Variants in DLX2 observed in about 807,000 individuals in gnomAD.
DLX2 encodes homeobox protein DLX-2.
In DLX2, 8 loss-of-function variants were observed where a neutral mutation model predicts 27.4. The observed-to-expected ratio is 0.29, with a 90% CI of 0.17 to 0.53. DLX2 has a LOEUF of 0.53. DLX2 is among the 20% of genes least tolerant of loss of function. The pLI is 0.96. For synonymous variants in DLX2, 210 were observed against 200.8 expected, an observed-to-expected ratio of 1.05 and a Z score of -0.39; for missense variants, 421 against 450.9, an observed-to-expected ratio of 0.93 and a Z score of 0.60.
In DLX2 at chr2:172,100,690, G is replaced by C; in HGVS notation, c.840C>G (p.Tyr280Ter). 1.3e-6 allele frequency: 2 copies of C among 1,551,098 alleles called. No homozygotes were observed. The highest frequency in any genetic ancestry group is 1.7e-6 in the Non-Finnish European group (2 of 1,158,826). Residue 280 changes from tyrosine (Y) to a stop codon, truncating the protein, a stop_gained, in exon 3 of 3, where the codon TAC becomes TAG. Transcript: ENST00000234198. LOFTEE classifies it high-confidence loss of function. This position sits in a 1 kb window ranked among gnomAD's most constrained non-coding sequence, Gnocchi z 4.5. ...SSAASAFLGN[Y>*]PWYHQTSGSA... ...ATCCCGAGGTCTGGTGGTACCAGGG[G>C]TAGTTGCCCAGAAAAGCCGAGGCCG...
chr2:172,100,479 G>T lies in DLX2; in HGVS notation c.*64C>A. On this transcript the variant is annotated 3_prime_UTR_variant, in exon 3 of 3. Coordinates refer to ENST00000234198, the MANE Select transcript of DLX2 (RefSeq NM_004405.4). The surrounding 1 kb of genome is among the most constrained non-coding windows in gnomAD (Gnocchi z 4.5). ...AGCGGGCCGGGAGGAGGGAACCCCG[G>T]CTCGGGGTAAGCAATGAGGATAAGT... 1.4e-6 allele frequency: 2 copies of T among 1,463,746 alleles called. No homozygotes were observed. The highest frequency in any genetic ancestry group is 1.8e-6 in the Non-Finnish European group (2 of 1,106,436). 90.7% of individuals were successfully genotyped at this position (1,463,746 alleles called of 1,614,324 possible).
At chr2:172,102,058 G>T (rs1574163259) in intron 1 of DLX2, 81 bp downstream of exon 1, 6 of 1,532,574 alleles carry the variant, frequency 3.9e-6, no homozygotes, top group Non-Finnish European at 5.3e-6. Flanking sequence ...GCTTTCGAAG[G>T]CCCCCCGCCC....
At chr2:172,101,121 C>G (rs1271788170) in intron 2 of DLX2, 177 bp from the exon 3 acceptor site, 1 of 688,322 alleles carries the variant, frequency 1.5e-6, no homozygotes, top group African/African-American at 1.8e-5. Context: ...GTTCCTGCTC[C>G]CTGGGGAGGT....
In DLX2 at chr2:172,101,573, G is replaced by T. The variant is rs1340498959; in HGVS notation, c.474C>A (p.Ile158=). ...GAGCCGCCAGCTGGAAACTGGAGTA[G>T]ATGGTGCGGGGTTTCCGGACTTTCT... ...KPKKVRKPRT[I]YSSFQLAALQ... Residue 158 remains isoleucine, a synonymous_variant, in exon 2 of 3, where the codon ATC becomes ATA. Transcript: ENST00000234198. 4 of 1,614,134 alleles carry T rather than the reference G, an allele frequency of 2.5e-6. No individual in the cohort carries two copies. The highest frequency in any genetic ancestry group is 1.6e-4 in the Middle Eastern group (1 of 6,082).
chr2:172,100,463 G>A lies in DLX2; in HGVS notation c.*80C>T, dbSNP rs1691131375. On this transcript the variant is annotated 3_prime_UTR_variant, in exon 3 of 3. Transcript: ENST00000234198. This position sits in a 1 kb window ranked among gnomAD's most constrained non-coding sequence, Gnocchi z 4.5. ...AGAGGTGGGTGGCGGCAGCGGGCCG[G>A]GAGGAGGGAACCCCGGCTCGGGGTA... 6.3e-6 allele frequency: 9 copies of A among 1,434,538 alleles called. No homozygotes were observed. Among genetic ancestry groups the A allele is most frequent in the Non-Finnish European group, 8.3e-6 (9 of 1,083,252 alleles). The allele number at this position is 1,434,538 out of a possible 1,614,324, so 88.9% of individuals were successfully genotyped here.
rs766985394 is a variant in DLX2, at chr2:172,100,963, G to A, written c.586-19C>T. 1 of 1,607,204 alleles carries A rather than the reference G, an allele frequency of 6.2e-7. No homozygotes were observed. Among genetic ancestry groups the A allele is most frequent in the Non-Finnish European group, 8.5e-7 (1 of 1,177,674 alleles). On this transcript the variant is annotated intron_variant, in intron 2 of 2. Coordinates refer to ENST00000234198, the MANE Select transcript of DLX2 (RefSeq NM_004405.4). The surrounding 1 kb of genome is among the most constrained non-coding windows in gnomAD (Gnocchi z 4.5). ...TTTTGACCTTTGAGGAAAAAGACCT[G>A]AGCATTAGTGGAGGAACCTAGTCTT... is the stretch of plus-strand genomic sequence containing the variant.
At chr2:172,101,175 G>T in intron 2 of DLX2, 1 of 616,380 alleles carries the variant, frequency 1.6e-6, no homozygotes, top group Non-Finnish European at 2.8e-6. Context: ...GCACTGTGAT[G>T]ATGGTGACAG....
In DLX2 at chr2:172,100,359, C is replaced by T; in HGVS notation, c.*184G>A. On this transcript the variant is annotated 3_prime_UTR_variant, in exon 3 of 3. Coordinates refer to ENST00000234198, the MANE Select transcript of DLX2 (RefSeq NM_004405.4). The surrounding 1 kb of genome is among the most constrained non-coding windows in gnomAD (Gnocchi z 4.5). The stretch of plus-strand genomic sequence containing the variant: ...CCTTTGCCAAGCTGCTGTCCGGTTC[C>T]CCCGAGAGAGGGGCCCGTTTGGTGG... 1 of 578,478 alleles carries T rather than the reference C, an allele frequency of 1.7e-6. No individual in the cohort carries two copies. The highest frequency in any genetic ancestry group is 2.8e-6 in the Non-Finnish European group (1 of 361,518). 35.8% of individuals were successfully genotyped at this position (578,478 alleles called of 1,614,324 possible). A position where few individuals can be genotyped will look rare whatever the true frequency, so the allele number is the denominator to read the frequency against.
In DLX2 at chr2:172,100,724, G is replaced by A. The variant is rs768589495; in HGVS notation, c.806C>T (p.Pro269Leu). ...GSGAGSSGSS[P>L]SSAASAFLGN... Reference sequence around the variant, plus strand: ...CAGAAAAGCCGAGGCCGCGCTGCTCGGGCTGGAGCCCGAGCTGCCGGCGCC... The same window carrying A: ...CAGAAAAGCCGAGGCCGCGCTGCTCAGGCTGGAGCCCGAGCTGCCGGCGCC... Residue 269 changes from proline to leucine, a missense_variant, in exon 3 of 3, where the codon CCG (proline) becomes CTG (leucine). By Grantham distance (98) the Pro-to-Leu change is moderately conservative (BLOSUM62 -3). Around this residue, in one of 5 missense-constraint regions of DLX2, gnomAD observed 185 missense variants for 171.1 expected, o/e 1.08. Transcript: ENST00000234198. This position sits in a 1 kb window ranked among gnomAD's most constrained non-coding sequence, Gnocchi z 4.5. The A allele has an allele frequency of 1.0e-5, 16 of 1,533,128 alleles. No individual in the cohort carries two copies. Among genetic ancestry groups the A allele is most frequent in the Admixed American group, 7.3e-5 (3 of 41,142 alleles). The allele number at this position is 1,533,128 out of a possible 1,614,324, so 95.0% of individuals were successfully genotyped here. A position where few individuals can be genotyped will look rare whatever the true frequency, so the allele number is the denominator to read the frequency against.
rs1431062912 is a variant in DLX2 at position 172,100,198 on chromosome 2, C to T, written c.*345G>A. The stretch of plus-strand genomic sequence containing the variant: ...GCGCGCCTGGGAGGCTTCCATCTCC[C>T]GGGACCCAGCTCTCAGCCCGGGGCG... On this transcript the variant is annotated 3_prime_UTR_variant, in exon 3 of 3. Coordinates refer to ENST00000234198, the MANE Select transcript of DLX2 (RefSeq NM_004405.4). This position sits in a 1 kb window ranked among gnomAD's most constrained non-coding sequence, Gnocchi z 4.5. The T allele has an allele frequency of 1.2e-5, 3 of 240,858 alleles. No individual in the cohort carries two copies. Among genetic ancestry groups the T allele is most frequent in the African/African-American group, 2.2e-5 (1 of 44,744 alleles). The allele number at this position is 240,858 out of a possible 1,614,324, so 14.9% of individuals were successfully genotyped here.
At chr2:172,101,294 G>A (rs1365132957) in intron 2 of DLX2, 168 bp downstream of exon 2, 1 of 804,108 alleles carries the variant, frequency 1.2e-6, no homozygotes, top group Non-Finnish European at 1.9e-6. Context: ...GCCCCTTGGG[G>A]GTTTCCAGCT....
intron 2 of DLX2, 170 bp downstream of exon 2, chr2:172,101,292 G>A: frequency 1.3e-6 from 1 of 790,284 alleles, no homozygotes. Context: ...CGGCCCCTTG[G>A]GGGTTTCCAG....
intron 2 of DLX2, chr2:172,101,199 AG>A (rs760241758): frequency 3.6e-5 from 22 of 611,400 alleles, no homozygotes; most frequent in Non-Finnish European, 6.0e-5. Context: ...GAGGGTGAGG[AG>A]GGCCAGTTAT....
In DLX2 at chr2:172,102,392, C is replaced by T; in HGVS notation, c.147G>A (p.Lys49=). The part of the protein sequence containing the change: ...GNSSSSSSLH[K]PQESPTLPVS... ...CCGGAAGGGTGGGCGACTCCTGGGG[C>T]TTGTGGAGGCTGCTGCTGCTGCTGC... The change falls in exon 1 of 3, where the codon AAG becomes AAA. Residue 49 remains lysine, a synonymous_variant. Coordinates refer to ENST00000234198, the MANE Select transcript of DLX2 (RefSeq NM_004405.4). 1 of 1,554,608 alleles carries T rather than the reference C, an allele frequency of 6.4e-7. No individual in the cohort carries two copies. Among genetic ancestry groups the T allele is most frequent in the Non-Finnish European group, 8.7e-7 (1 of 1,149,280 alleles).
In DLX2 at chr2:172,102,803, G is replaced by T. The variant is rs1691190889; in HGVS notation, c.-265C>A. ...GCCCAGCGCGAGCGCGGGCTCTGGC[G>T]GGGGGCGGGCAGTGGAGGGGGCAGG... On this transcript the variant is annotated 5_prime_UTR_variant, in exon 1 of 3. Transcript: ENST00000234198. 8.9e-6 allele frequency: 4 copies of T among 447,398 alleles called. No individual in the cohort carries two copies. Among genetic ancestry groups the T allele is most frequent in the South Asian group, 7.8e-5 (2 of 25,780 alleles). 27.7% of individuals were successfully genotyped at this position (447,398 alleles called of 1,614,324 possible). A position where few individuals can be genotyped will look rare whatever the true frequency, so the allele number is the denominator to read the frequency against.
Position 172,102,563 on chromosome 2 carries a change from G to C in DLX2, c.-25C>G. ...TCCTGGCCCGAGACGGGAAAGAGCA[G>C]AGGTGGCGGGCGTGCGGGGGAAGCC... On this transcript the variant is annotated 5_prime_UTR_variant, in exon 1 of 3. Transcript: ENST00000234198. 6.7e-7 allele frequency: 1 copy of C among 1,492,812 alleles called. No homozygotes were observed. The highest frequency in any genetic ancestry group is 1.3e-5 in the South Asian group (1 of 74,506). The allele number at this position is 1,492,812 out of a possible 1,614,324, so 92.5% of individuals were successfully genotyped here.
In DLX2 at chr2:172,100,450, C is replaced by A. The variant is rs986413943; in HGVS notation, c.*93G>T. 2 of 1,369,322 alleles carry A rather than the reference C, an allele frequency of 1.5e-6. No homozygotes were observed. The allele number at this position is 1,369,322 out of a possible 1,614,324, so 84.8% of individuals were successfully genotyped here. ...CGCAGCCTGCAGGAGAGGTGGGTGG[C>A]GGCAGCGGGCCGGGAGGAGGGAACC... On this transcript the variant is annotated 3_prime_UTR_variant, in exon 3 of 3. Coordinates refer to ENST00000234198, the MANE Select transcript of DLX2 (RefSeq NM_004405.4). This position sits in a 1 kb window ranked among gnomAD's most constrained non-coding sequence, Gnocchi z 4.5.
chr2:172,099,810 A>C lies in DLX2; in HGVS notation c.*733T>G, dbSNP rs1423765712. 1.3e-5 allele frequency: 2 copies of C among 152,654 alleles called. No homozygotes were observed. Among genetic ancestry groups the C allele is most frequent in the Non-Finnish European group, 2.9e-5 (2 of 68,048 alleles). The allele number at this position is 152,654 out of a possible 1,614,324, so 9.5% of individuals were successfully genotyped here. A position where few individuals can be genotyped will look rare whatever the true frequency, so the allele number is the denominator to read the frequency against. On this transcript the variant is annotated 3_prime_UTR_variant, in exon 3 of 3. Coordinates refer to ENST00000234198, the MANE Select transcript of DLX2 (RefSeq NM_004405.4). ...ATCCTGAATAGGTTTTAAAAAAGATAATTTAAACACATTTTTGCAGTGTTC... is the reference window on the plus strand; with the variant it reads ...ATCCTGAATAGGTTTTAAAAAAGATCATTTAAACACATTTTTGCAGTGTTC...
Position 172,102,576 on chromosome 2 carries a change from T to A in DLX2, c.-38A>T, listed in dbSNP as rs1002856405. The A allele has an allele frequency of 2.0e-6, 3 of 1,470,462 alleles. No homozygotes were observed. Among genetic ancestry groups the A allele is most frequent in the Non-Finnish European group, 2.7e-6 (3 of 1,111,042 alleles). The allele number at this position is 1,470,462 out of a possible 1,614,324, so 91.1% of individuals were successfully genotyped here. A position where few individuals can be genotyped will look rare whatever the true frequency, so the allele number is the denominator to read the frequency against. On this transcript the variant is annotated 5_prime_UTR_variant, in exon 1 of 3. Transcript: ENST00000234198. ...CGGGAAAGAGCAGAGGTGGCGGGCG[T>A]GCGGGGGAAGCCAGGCGCCTCCTCT...
Sources: allele counts gnomAD v4.1 joint callset, GRCh38; gene constraint gnomAD v4.1.1; regional missense constraint gnomAD v4.1.1; non-coding constraint Gnocchi (gnomAD v3.1); transcripts MANE v1.5; gene names NCBI Gene and HGNC (gene_info 2026-07-23, HGNC 2026-07-21).